CXCL13: variants seen among roughly 807,000 people sequenced by gnomAD.
The protein encoded by CXCL13 is C-X-C motif chemokine ligand 13.
A neutral mutation model predicts 12.2 loss-of-function variants in CXCL13; 7 were observed. The ratio of observed to expected loss-of-function variants is 0.57; its 90% CI spans 0.33 to 1.07. The LOEUF (loss-of-function observed/expected upper bound fraction) is 1.07, where lower values mean the gene tolerates loss of function less well. Among genes scored for constraint, CXCL13 ranks in the 50% least tolerant of loss-of-function variants. The pLI is 0.04. For synonymous variants in CXCL13, 47 were observed against 42.4 expected, an observed-to-expected ratio of 1.11 and a Z score of -0.42; for missense variants, 113 against 127.4, an observed-to-expected ratio of 0.89 and a Z score of 0.55.
intron 1 of CXCL13, among the ~76,000 whole-genome samples, chr4:77,514,096 A>G (rs1454387204): frequency 2.6e-5 from 4 of 151,640 alleles, no homozygotes; most frequent in Admixed American, 2.0e-4. Context: ...GAGAATGATG[A>G]TTTCCAATTT....
rs1727156970 is a variant in CXCL13, at chr4:77,611,589, T to G, written c.*550T>G. 1.0e-5 allele frequency: 4 copies of G among 398,042 alleles called. No individual in the cohort carries two copies. The highest frequency in any genetic ancestry group is 1.8e-5 in the Non-Finnish European group (4 of 226,028). The allele number at this position is 398,042 out of a possible 1,614,324, so 24.7% of individuals were successfully genotyped here. On this transcript the variant is annotated 3_prime_UTR_variant, in exon 4 of 4. Coordinates refer to ENST00000682537, the MANE Select transcript of CXCL13 (RefSeq NM_001371558.1). Reference sequence around the variant, plus strand: ...CTTTTAAAGAATTTCTTTATAAAATTTACTGTCTAAGATTAATAGCATTCG... The same window carrying G: ...CTTTTAAAGAATTTCTTTATAAAATGTACTGTCTAAGATTAATAGCATTCG...
upstream of CXCL13, among the ~76,000 whole-genome samples, chr4:77,603,784 A>G (rs975266383): frequency 6.6e-6 from 1 of 151,444 alleles, no homozygotes; most frequent in African/African-American, 2.4e-5. Context: ...TTTTTCCCAA[A>G]CAGATTAGAT....
chr4:77,543,764 A>T (rs917607588), intron 1 of CXCL13, among the ~76,000 whole-genome samples: 1 of 152,054 alleles, frequency 6.6e-6, no homozygotes, highest in African/African-American at 2.4e-5. Flanking sequence ...TTAAATTATT[A>T]TACTTTAATT....
intron 1 of CXCL13, among the ~76,000 whole-genome samples, chr4:77,581,559 AT>A (rs1171727860): frequency 6.6e-6 from 1 of 152,104 alleles, no homozygotes; most frequent in Non-Finnish European, 1.5e-5. Flanking sequence ...TCTTGCTAAG[AT>A]TTGACTTAAT....
intron 1 of CXCL13, among the ~76,000 whole-genome samples, chr4:77,536,457 A>T (rs569453508): frequency 6.6e-6 from 1 of 152,182 alleles, no homozygotes; most frequent in South Asian, 2.1e-4. Flanking sequence ...CCTGGGTTCA[A>T]ATCCTGGCTC....
intron 1 of CXCL13, among the ~76,000 whole-genome samples, chr4:77,512,945 C>A (rs568464932): frequency 6.6e-6 from 1 of 152,192 alleles, no homozygotes; most frequent in Non-Finnish European, 1.5e-5. Flanking sequence ...AACCCCACGA[C>A]AGGCCCCAGT....
At chr4:77,548,758 G>C (rs914009429) in intron 1 of CXCL13, among the ~76,000 whole-genome samples, 2 of 152,130 alleles carry the variant, frequency 1.3e-5, no homozygotes, top group African/African-American at 2.4e-5. Context: ...CTCTCTGGCT[G>C]CCCTTAACAT....
intron 1 of CXCL13, among the ~76,000 whole-genome samples, chr4:77,524,356 G>T (rs1724706943): frequency 6.6e-6 from 1 of 152,246 alleles, no homozygotes. Flanking sequence ...TATAGAGGCA[G>T]TAGGCCTTGC....
At position 77,607,811 on chromosome 4, in the gene CXCL13, A is replaced by G; in HGVS notation, c.173A>G (p.Asn58Ser). ...IDRIQILPRG[N>S]GCPRKEIIVW... ...CGAATTCAAATCTTGCCCCGTGGGA[A>G]TGGTTGTCCAAGAAAAGAAATCATG... The change falls in exon 2 of 4, where the codon AAT becomes AGT. Residue 58 changes from asparagine to serine, a missense_variant. Asn to Ser is a conservative substitution (Grantham distance 46, BLOSUM62 1). Coordinates refer to ENST00000682537, the MANE Select transcript of CXCL13 (RefSeq NM_001371558.1). The G allele has an allele frequency of 6.2e-7, 1 of 1,614,028 alleles. No homozygotes were observed. The highest frequency in any genetic ancestry group is 8.5e-7 in the Non-Finnish European group (1 of 1,179,970).
intron 1 of CXCL13, among the ~76,000 whole-genome samples, chr4:77,546,320 A>C (rs922943545): frequency 6.6e-6 from 1 of 152,148 alleles, no homozygotes; most frequent in African/African-American, 2.4e-5. Context: ...TTCAGAAGTA[A>C]TGGTACCAGC....
intron 1 of CXCL13, among the ~76,000 whole-genome samples, chr4:77,596,021 A>G (rs1213828051): frequency 9.2e-5 from 14 of 151,768 alleles, no homozygotes; most frequent in Admixed American, 8.5e-4. Flanking sequence ...GGAATTAACC[A>G]CTCCCTCTGT....
chr4:77,539,525 A>T (rs1359714698), intron 1 of CXCL13, among the ~76,000 whole-genome samples: 3 of 152,184 alleles, frequency 2.0e-5, no homozygotes, highest in African/African-American at 7.2e-5. Flanking sequence ...GGCTGTCCGC[A>T]TGGCAGTGGC....
At position 77,536,354 on chromosome 4, in the gene CXCL13, T is replaced by C. The variant is rs556776663; in HGVS notation, c.-43+24566T>C. On this transcript the variant is annotated intron_variant, in intron 1 of 4. Coordinates refer to the CXCL13 transcript ENST00000286758. ...CTGTGAAATGAGGTGTTCCGAAGCA[T>C]AGTTAACTTTTAACTTCCCTTTTGG... is the stretch of plus-strand genomic sequence containing the variant. 2.0e-5 allele frequency among the ~76,000 whole-genome samples: 3 copies of C among 152,350 alleles called. No individual in the cohort carries two copies. In the South Asian group the frequency reaches 6.2e-4, roughly 32 times the overall value.
In CXCL13 at chr4:77,562,178, C is replaced by A. The variant is rs1438027200; in HGVS notation, c.-42-43646C>A. On this transcript the variant is annotated intron_variant, in intron 1 of 4. Transcript: ENST00000286758. ...CCCCTGCCCACCGCTGCCCCCACCCCCCCATCACTGCAGCCCCCCGCCCCG... is the reference window on the plus strand; with the variant it reads ...CCCCTGCCCACCGCTGCCCCCACCCACCCATCACTGCAGCCCCCCGCCCCG... Among the ~76,000 whole-genome samples the A allele has an allele frequency of 2.0e-5, 3 of 147,356 alleles. No homozygotes were observed. In the South Asian group the frequency reaches 6.6e-4, roughly 33 times the overall value.
At chr4:77,571,344 C>T (rs909496773) in intron 1 of CXCL13, among the ~76,000 whole-genome samples, 28 of 151,566 alleles carry the variant, frequency 1.8e-4, no homozygotes, top group Non-Finnish European at 3.8e-4. Context: ...GTGAGTGCAC[C>T]AATCGACACT....
intron 1 of CXCL13, among the ~76,000 whole-genome samples, chr4:77,592,411 T>C (rs746885255): frequency 4.6e-5 from 7 of 151,918 alleles, no homozygotes; most frequent in African/African-American, 1.5e-4. Context: ...GGAATGGTGG[T>C]TGTCAGGGGT....
At chr4:77,534,582 A>T (rs1725014431) in intron 1 of CXCL13, among the ~76,000 whole-genome samples, 1 of 152,214 alleles carries the variant, frequency 6.6e-6, no homozygotes, top group African/African-American at 2.4e-5. Context: ...TAATTGTCAG[A>T]TCTCTTTCTG....
chr4:77,610,167 CA>C (rs765852793), intron 2 of CXCL13, among the ~76,000 whole-genome samples: 15 of 148,084 alleles, frequency 1.0e-4, no homozygotes, highest in Middle Eastern at 3.5e-3. Flanking sequence ...TGTGAAATTG[CA>C]CTGAATTTTT....
intron 1 of CXCL13, among the ~76,000 whole-genome samples, chr4:77,546,548 G>A (rs1560521857): frequency 6.6e-6 from 1 of 152,176 alleles, no homozygotes; most frequent in African/African-American, 2.4e-5. Context: ...GTTGTGTATA[G>A]TATTCTCTGA....
Sources: allele counts gnomAD v4.1 joint callset (sites outside exome capture counted in the v4.1 genomes callset), GRCh38; gene constraint gnomAD v4.1.1; transcripts MANE v1.5; gene names NCBI Gene and HGNC (gene_info 2026-07-23, HGNC 2026-07-21).